ZDHHC17: variants seen among roughly 807,000 people sequenced by gnomAD.
The protein encoded by ZDHHC17 is zDHHC palmitoyltransferase 17, also known as palmitoyltransferase ZDHHC17.
A neutral mutation model predicts 90.3 loss-of-function variants in ZDHHC17; 40 were observed. That is an observed-to-expected ratio of 0.44 (90% CI 0.34 to 0.58). The LOEUF is 0.58. ZDHHC17 is among the 20% of genes least tolerant of loss of function. ZDHHC17 has a pLI of 0.01. For missense variants in ZDHHC17, 614 were observed against 780.8 expected, an observed-to-expected ratio of 0.79 and a Z score of 2.55; for synonymous variants, 235 against 252.4, an observed-to-expected ratio of 0.93 and a Z score of 0.65.
intron 7 of ZDHHC17, among the ~76,000 whole-genome samples, chr12:76,820,600 A>G (rs1402516389): frequency 6.6e-6 from 1 of 152,176 alleles, no homozygotes. Context: ...TAATGTATTG[A>G]AAGACCTCTT....
At position 76,797,515 on chromosome 12, in the gene ZDHHC17, T is replaced by C; in HGVS notation, c.175T>C (p.Trp59Arg). 1 of 1,608,378 alleles carries C rather than the reference T, an allele frequency of 6.2e-7. No homozygotes were observed. Among genetic ancestry groups the C allele is most frequent in the Non-Finnish European group, 8.5e-7 (1 of 1,177,120 alleles). Reference sequence around the variant, plus strand: ...AACTCATATTGATGATTACAGCACATGGGACATAGTCAAGGCTACACAGTA... The same window carrying C: ...AACTCATATTGATGATTACAGCACACGGGACATAGTCAAGGCTACACAGTA... ...RKTHIDDYST[W>R]DIVKATQYGI... The change falls in exon 2 of 17, where the codon TGG (tryptophan) becomes CGG (arginine). Residue 59 changes from tryptophan (W) to arginine (R), a missense_variant. Physicochemically the swap from Trp to Arg is moderately radical, Grantham distance 101. Around this residue, in one of 5 missense-constraint regions of ZDHHC17, gnomAD observed 358 missense variants for 380.4 expected, o/e 0.94. Transcript: ENST00000426126.
chr12:76,836,283 C>T (rs1056413248), intron 10 of ZDHHC17, among the ~76,000 whole-genome samples: 2 of 151,540 alleles, frequency 1.3e-5, no homozygotes, highest in African/African-American at 2.4e-5. Context: ...ATCATTTTAC[C>T]TGGAATTTGC....
intron 1 of ZDHHC17, among the ~76,000 whole-genome samples, chr12:76,774,681 A>T (rs955259261): frequency 6.6e-6 from 1 of 152,198 alleles, no homozygotes; most frequent in Non-Finnish European, 1.5e-5. Flanking sequence ...TGGGCAAATT[A>T]CTTAATCTTC....
At chr12:76,814,005 G>C (rs78597104) in intron 5 of ZDHHC17, among the ~76,000 whole-genome samples, 23,408 of 151,888 alleles carry the variant, frequency 0.15, 2,069 homozygotes, top group Non-Finnish European at 0.2. Context: ...AATGGTTTTC[G>C]ATCATCTACT....
intron 9 of ZDHHC17, among the ~76,000 whole-genome samples, chr12:76,827,568 G>A (rs888947224): frequency 1.3e-5 from 2 of 151,910 alleles, no homozygotes; most frequent in Non-Finnish European, 2.9e-5. Flanking sequence ...TTATTCTTAA[G>A]TCTCATTGCT....
rs115674892 is a variant in ZDHHC17, at chr12:76,818,607, T to G, written c.771+2588T>G. The stretch of plus-strand genomic sequence containing the variant: ...GAATTACGTAATGAGAAGGGATCAG[T>G]TATACAGAGACATGTGGGAAAAAAT... On this transcript the variant is annotated intron_variant, in intron 7 of 16. Coordinates refer to ENST00000426126, the MANE Select transcript of ZDHHC17 (RefSeq NM_015336.4). 5.4e-3 allele frequency among the ~76,000 whole-genome samples: 818 copies of G among 152,296 alleles called. 8 individuals carry two copies. Among genetic ancestry groups the G allele is most frequent in the African/African-American group, 0.017 (724 of 41,544 alleles).
chr12:76,823,716 G>GTCT (rs1186398507), intron 8 of ZDHHC17, among the ~76,000 whole-genome samples: 3 of 152,182 alleles, frequency 2.0e-5, no homozygotes, highest in Non-Finnish European at 4.4e-5. Context: ...CTTGAAAGCA[G>GTCT]TGCCTCCTTT....
chr12:76,797,941 CCACACACACACA>C (rs60610921), intron 2 of ZDHHC17, among the ~76,000 whole-genome samples: 33 of 147,586 alleles, frequency 2.2e-4, no homozygotes, highest in South Asian at 1.1e-3. Context: ...TGAAACTCTG[CCACACACACACA>C]CACACACACA....
intron 7 of ZDHHC17, among the ~76,000 whole-genome samples, chr12:76,822,092 A>G (rs937827458): frequency 1.3e-5 from 2 of 152,228 alleles, no homozygotes; most frequent in Admixed American, 1.3e-4. Context: ...AGAATATGAA[A>G]TAACTGATAA....
chr12:76,791,548 A>G (rs183746066), intron 1 of ZDHHC17, among the ~76,000 whole-genome samples: 2 of 152,338 alleles, frequency 1.3e-5, no homozygotes, highest in Admixed American at 1.3e-4. Context: ...GAAATGAATC[A>G]AGTACCCGTA....
chr12:76,853,489 G>C lies in ZDHHC17; in HGVS notation c.*2504G>C, dbSNP rs1244698151. The C allele has an allele frequency of 6.6e-6, 1 of 152,080 alleles. No homozygotes were observed. Among genetic ancestry groups the C allele is most frequent in the Non-Finnish European group, 1.5e-5 (1 of 67,904 alleles). 9.4% of individuals were successfully genotyped at this position (152,080 alleles called of 1,614,324 possible). A position where few individuals can be genotyped will look rare whatever the true frequency, so the allele number is the denominator to read the frequency against. On this transcript the variant is annotated 3_prime_UTR_variant, in exon 17 of 17. Transcript: ENST00000426126. ...CCAGGAATTTATTTGATATTAATGG[G>C]CGTAAAACAGCATCATTGTACTTAA... is the stretch of plus-strand genomic sequence containing the variant.
intron 1 of ZDHHC17, among the ~76,000 whole-genome samples, chr12:76,780,630 C>G (rs1565762594): frequency 6.6e-6 from 1 of 152,164 alleles, no homozygotes; most frequent in Non-Finnish European, 1.5e-5. Context: ...TCAACTGCAG[C>G]CTAACATGTG....
At chr12:76,797,135 G>A (rs1042744359) in intron 1 of ZDHHC17, among the ~76,000 whole-genome samples, 12 of 152,056 alleles carry the variant, frequency 7.9e-5, no homozygotes, top group African/African-American at 1.4e-4. Context: ...ATGGTGGCAC[G>A]TGCCTATAGT....
In ZDHHC17 at chr12:76,764,189, C is replaced by T. The variant is rs539954929; in HGVS notation, c.-48C>T. On this transcript the variant is annotated 5_prime_UTR_variant, in exon 1 of 17. Coordinates refer to ENST00000426126, the MANE Select transcript of ZDHHC17 (RefSeq NM_015336.4). The stretch of plus-strand genomic sequence containing the variant: ...GGGGCTCGCGCTCGCCCCGCGCTCG[C>T]CCTCCGCCTCGCCCGAGCCCCGGGA... 5.4e-6 allele frequency: 8 copies of T among 1,470,094 alleles called. No homozygotes were observed. In the African/African-American group the frequency reaches 1.1e-4, roughly 21 times the overall value. 91.1% of individuals were successfully genotyped at this position (1,470,094 alleles called of 1,614,324 possible).
intron 3 of ZDHHC17, among the ~76,000 whole-genome samples, chr12:76,808,592 A>C (rs1436148470): frequency 6.6e-6 from 1 of 152,228 alleles, no homozygotes. Flanking sequence ...ATAACAAGGC[A>C]TAGTAAAGAA....
rs1952422823 is a variant in ZDHHC17, at chr12:76,765,759, GAC to G, written c.93+1433_93+1434del. Among the ~76,000 whole-genome samples, 4 of 152,336 alleles carry G rather than the reference GAC, an allele frequency of 2.6e-5. No homozygotes were observed. In the South Asian group the frequency reaches 8.3e-4, roughly 32 times the overall value. On this transcript the variant is annotated intron_variant, in intron 1 of 16. Transcript: ENST00000426126. ...CCTGTCCCCCAGGCAGGAGTGCACTGACACGATGACAGCTCACTGCAGCCTCT... is the reference window on the plus strand; with the variant it reads ...CCTGTCCCCCAGGCAGGAGTGCACTGACGATGACAGCTCACTGCAGCCTCT...
At chr12:76,780,146 T>A (rs1952605671) in intron 1 of ZDHHC17, among the ~76,000 whole-genome samples, 1 of 152,248 alleles carries the variant, frequency 6.6e-6, no homozygotes, top group African/African-American at 2.4e-5. Flanking sequence ...TTACTTCCTA[T>A]GTAAATTTTA....
chr12:76,841,388 T>C (rs888813935), intron 10 of ZDHHC17, among the ~76,000 whole-genome samples: 9 of 152,220 alleles, frequency 5.9e-5, no homozygotes, highest in African/African-American at 2.2e-4. Flanking sequence ...TCTAGCGACA[T>C]TGCTGTATTT....
chr12:76,781,006 C>T (rs540642410), intron 1 of ZDHHC17, among the ~76,000 whole-genome samples: 3 of 151,898 alleles, frequency 2.0e-5, no homozygotes, highest in East Asian at 1.9e-4. Flanking sequence ...TGGTAGCAGG[C>T]GCCCGTAGTC....
Sources: allele counts gnomAD v4.1 joint callset (sites outside exome capture counted in the v4.1 genomes callset), GRCh38; gene constraint gnomAD v4.1.1; regional missense constraint gnomAD v4.1.1; transcripts MANE v1.5; gene names NCBI Gene and HGNC (gene_info 2026-07-23, HGNC 2026-07-21).